Variants in ERC2 observed in about 807,000 individuals in gnomAD.
ERC2 encodes the protein ELKS/RAB6-interacting/CAST family member 2.
ERC2 carries 42 observed loss-of-function variants against 114.8 expected under a neutral mutation model. The observed-to-expected ratio is 0.37, with a 90% CI of 0.29 to 0.47. The LOEUF (loss-of-function observed/expected upper bound fraction) is 0.47. ERC2 is among the 20% of genes least tolerant of loss of function. ERC2 has a pLI of 0.99. For missense variants in ERC2, 939 were observed against 1,150.7 expected (o/e 0.82, Z 2.66); for synonymous variants, 454 against 425.5 (o/e 1.07, Z -0.82).
At chr3:55,596,804 T>C (rs971251010) in intron 17 of ERC2, among the ~76,000 whole-genome samples, 2 of 152,140 alleles carry the variant, frequency 1.3e-5, no homozygotes, top group Non-Finnish European at 2.9e-5. Context: ...ATGATGACAT[T>C]TTATACAATT....
At chr3:56,428,904 G>A (rs1005540674) in intron 2 of ERC2, among the ~76,000 whole-genome samples, 3 of 152,214 alleles carry the variant, frequency 2.0e-5, no homozygotes, top group Non-Finnish European at 2.9e-5. Context: ...ATTAGATCTA[G>A]TACAATCTCC....
At chr3:55,526,774 G>C (rs867370195) in intron 17 of ERC2, among the ~76,000 whole-genome samples, 2 of 152,184 alleles carry the variant, frequency 1.3e-5, no homozygotes, top group African/African-American at 2.4e-5. Flanking sequence ...GGGTCTTCAC[G>C]GGGCCTTGGT....
At position 56,136,122 on chromosome 3, in the gene ERC2, C is replaced by G. The variant is rs73078481; in HGVS notation, c.1473+3387G>C. Among the ~76,000 whole-genome samples, 1,070 of 152,252 alleles carry G rather than the reference C, an allele frequency of 7.0e-3. 14 individuals carry two copies. The highest frequency in any genetic ancestry group is 0.025 in the African/African-American group (1,023 of 41,564). ...CAACCAAAGAGCCAAGCCACATAGCCGCAAACCGAGACAGCTTGCCTCCTA... is the reference window on the plus strand; with the variant it reads ...CAACCAAAGAGCCAAGCCACATAGCGGCAAACCGAGACAGCTTGCCTCCTA... On this transcript the variant is annotated intron_variant, in intron 6 of 17. Transcript: ENST00000288221.
intron 13 of ERC2, among the ~76,000 whole-genome samples, chr3:55,933,606 A>G (rs1291484132): frequency 1.3e-5 from 2 of 152,170 alleles, no homozygotes; most frequent in Admixed American, 1.3e-4. Context: ...TCCCCATAGC[A>G]TCAATCAAAT....
At chr3:55,680,875 G>A (rs1292281436) in intron 17 of ERC2, among the ~76,000 whole-genome samples, 2 of 152,322 alleles carry the variant, frequency 1.3e-5, no homozygotes, top group East Asian at 1.9e-4. Context: ...GTTTGGTGTA[G>A]GCAGCATAGA....
intron 2 of ERC2, among the ~76,000 whole-genome samples, chr3:56,323,640 A>G (rs2057226503): frequency 6.6e-6 from 1 of 152,208 alleles, no homozygotes; most frequent in African/African-American, 2.4e-5. Context: ...ACTGCAATAG[A>G]TAACTGATAA....
chr3:55,570,751 C>T (rs2056659052), intron 17 of ERC2, among the ~76,000 whole-genome samples: 1 of 152,146 alleles, frequency 6.6e-6, no homozygotes, highest in Non-Finnish European at 1.5e-5. Context: ...TTACACAAGT[C>T]TTGTTTTGTT....
At chr3:55,574,188 G>A (rs531966987) in intron 17 of ERC2, among the ~76,000 whole-genome samples, 10 of 152,260 alleles carry the variant, frequency 6.6e-5, no homozygotes, top group South Asian at 4.1e-4. Flanking sequence ...GTCCGTACAG[G>A]TGAAGTGACT....
intron 17 of ERC2, among the ~76,000 whole-genome samples, chr3:55,607,118 C>T (rs1411533143): frequency 6.6e-6 from 1 of 152,214 alleles, no homozygotes; most frequent in African/African-American, 2.4e-5. Context: ...ATTCATTAAG[C>T]ATGGTGCCAG....
chr3:55,612,519 T>C (rs2058949484), intron 17 of ERC2, among the ~76,000 whole-genome samples: 1 of 152,208 alleles, frequency 6.6e-6, no homozygotes, highest in Non-Finnish European at 1.5e-5. Flanking sequence ...TCCTTATTTA[T>C]CAAGTACTTA....
chr3:56,075,734 A>G (rs937484462), intron 7 of ERC2, among the ~76,000 whole-genome samples: 1 of 152,176 alleles, frequency 6.6e-6, no homozygotes, highest in Non-Finnish European at 1.5e-5. Context: ...GTAAATGTGA[A>G]ATGAATATGA....
chr3:56,063,921 T>C (rs1169912529), intron 7 of ERC2, among the ~76,000 whole-genome samples: 1 of 152,184 alleles, frequency 6.6e-6, no homozygotes, highest in Non-Finnish European at 1.5e-5. Flanking sequence ...TACTCATAAA[T>C]ATACTCATCT....
chr3:55,816,349 C>T (rs1293394050), intron 14 of ERC2, among the ~76,000 whole-genome samples: 2 of 152,192 alleles, frequency 1.3e-5, no homozygotes, highest in Non-Finnish European at 2.9e-5. Flanking sequence ...AGTGACATCA[C>T]TTAGTGAATA....
chr3:56,235,643 T>G (rs2050893347), intron 3 of ERC2, among the ~76,000 whole-genome samples: 1 of 152,178 alleles, frequency 6.6e-6, no homozygotes, highest in African/African-American at 2.4e-5. Flanking sequence ...CCATTTTTCA[T>G]CCCATTTATG....
intron 7 of ERC2, among the ~76,000 whole-genome samples, chr3:56,078,676 T>C (rs997421516): frequency 4.6e-5 from 7 of 152,060 alleles, no homozygotes; most frequent in Non-Finnish European, 1.5e-5. Flanking sequence ...CCTTGGCCAA[T>C]CAAATGCTCC....
chr3:55,662,831 A>T (rs1251726748), intron 17 of ERC2, among the ~76,000 whole-genome samples: 1 of 152,218 alleles, frequency 6.6e-6, no homozygotes, highest in African/African-American at 2.4e-5. Context: ...AGCTAAAATG[A>T]CTAACCTCTG....
intron 14 of ERC2, among the ~76,000 whole-genome samples, chr3:55,832,893 C>A (rs1191485792): frequency 6.6e-6 from 1 of 151,910 alleles, no homozygotes; most frequent in Non-Finnish European, 1.5e-5. Flanking sequence ...CTAGAATAAC[C>A]AATACAGAGA....
At chr3:55,523,480 C>G (rs951388142) in intron 17 of ERC2, among the ~76,000 whole-genome samples, 2 of 152,200 alleles carry the variant, frequency 1.3e-5, no homozygotes, top group African/African-American at 4.8e-5. Context: ...CCTTGGATGT[C>G]AGCTTCAATA....
intron 14 of ERC2, among the ~76,000 whole-genome samples, chr3:55,783,511 G>GA (rs1559647779): frequency 6.6e-6 from 1 of 152,148 alleles, no homozygotes; most frequent in African/African-American, 2.4e-5. Flanking sequence ...CTCAAGAAAT[G>GA]AAAAATGTGG....
Sources: allele counts gnomAD v4.1 joint callset (sites outside exome capture counted in the v4.1 genomes callset), GRCh38; gene constraint gnomAD v4.1.1; transcripts MANE v1.5; gene names NCBI Gene and HGNC (gene_info 2026-07-23, HGNC 2026-07-21).